Variants in NTRK3 observed in about 807,000 individuals in gnomAD.
The protein encoded by NTRK3 is NT-3 growth factor receptor.
A neutral mutation model predicts 91.7 loss-of-function variants in NTRK3; 24 were observed. The ratio of observed to expected loss-of-function variants is 0.26; its 90% CI spans 0.19 to 0.37. The LOEUF is 0.37. NTRK3 is among the 10% of genes least tolerant of loss of function. NTRK3 has a pLI of 1.00. For missense variants in NTRK3, 880 were observed against 1,068.9 expected, an observed-to-expected ratio of 0.82 and a Z score of 2.46; for synonymous variants, 483 against 404.0, an observed-to-expected ratio of 1.20 and a Z score of -2.34.
chr15:87,974,628 CA>C (rs1044294656), intron 14 of NTRK3, among the ~76,000 whole-genome samples: 31 of 152,206 alleles, frequency 2.0e-4, no homozygotes, highest in African/African-American at 7.2e-4. Flanking sequence ...GAGTCCTCCC[CA>C]ATATCAAAAA....
At chr15:87,968,309 C>G (rs1033453724) in intron 14 of NTRK3, among the ~76,000 whole-genome samples, 13 of 151,976 alleles carry the variant, frequency 8.6e-5, no homozygotes, top group African/African-American at 2.4e-4. Context: ...AAAAGAAGTC[C>G]CAAGACCAAA....
intron 5 of NTRK3, among the ~76,000 whole-genome samples, chr15:88,176,911 G>T (rs186179541): frequency 6.6e-6 from 1 of 152,218 alleles, no homozygotes; most frequent in African/African-American, 2.4e-5. Context: ...TGATCTATTT[G>T]TAAGGAGAAG....
At chr15:88,207,854 G>GC (rs1452243179) in intron 3 of NTRK3, among the ~76,000 whole-genome samples, 1 of 152,178 alleles carries the variant, frequency 6.6e-6, no homozygotes, top group Non-Finnish European at 1.5e-5. Flanking sequence ...AAGATTCTCA[G>GC]CCCCTTCCTG....
chr15:87,898,554 C>T (rs1176972401), intron 17 of NTRK3, among the ~76,000 whole-genome samples: 1 of 152,104 alleles, frequency 6.6e-6, no homozygotes, highest in African/African-American at 2.4e-5. Flanking sequence ...GTGTGTGAAG[C>T]TTCTTTTTAC....
chr15:87,892,875 G>A (rs1477519415), intron 17 of NTRK3, among the ~76,000 whole-genome samples: 1 of 152,140 alleles, frequency 6.6e-6, no homozygotes, highest in Non-Finnish European at 1.5e-5. Flanking sequence ...ATGTAAAACT[G>A]ACTGTTTAAG....
intron 14 of NTRK3, among the ~76,000 whole-genome samples, chr15:88,030,445 C>T (rs2078422929): frequency 6.6e-6 from 1 of 152,154 alleles, no homozygotes; most frequent in Non-Finnish European, 1.5e-5. Flanking sequence ...GGAAACTTGC[C>T]TCCAACACAC....
At chr15:88,039,164 C>CAT (rs2079364092) in intron 13 of NTRK3, among the ~76,000 whole-genome samples, 1 of 145,514 alleles carries the variant, frequency 6.9e-6, no homozygotes, top group East Asian at 2.0e-4. Context: ...CACACACACA[C>CAT]GCACAGAAAC....
intron 13 of NTRK3, among the ~76,000 whole-genome samples, chr15:88,120,261 G>T (rs1386862928): frequency 4.6e-5 from 7 of 152,216 alleles, no homozygotes; most frequent in African/African-American, 1.7e-4. Flanking sequence ...ACTCTGGCAG[G>T]ATTCTACAAT....
At chr15:88,008,490 C>T (rs1037086570) in intron 14 of NTRK3, among the ~76,000 whole-genome samples, 1 of 151,984 alleles carries the variant, frequency 6.6e-6, no homozygotes, top group African/African-American at 2.4e-5. Flanking sequence ...CACAGTGGTC[C>T]AAGAACCCTA....
chr15:88,132,418 G>C (rs191890782), intron 10 of NTRK3, among the ~76,000 whole-genome samples: 2 of 152,314 alleles, frequency 1.3e-5, no homozygotes, highest in East Asian at 3.9e-4. Context: ...GCACAGAGAA[G>C]TGATTGTCCT....
chr15:88,170,304 T>C (rs1409534725), intron 5 of NTRK3, among the ~76,000 whole-genome samples: 2 of 152,214 alleles, frequency 1.3e-5, no homozygotes, highest in Non-Finnish European at 2.9e-5. Flanking sequence ...TTTCACAAGA[T>C]CTTCATAACT....
At chr15:88,027,034 A>G (rs2078097591) in intron 14 of NTRK3, among the ~76,000 whole-genome samples, 1 of 152,164 alleles carries the variant, frequency 6.6e-6, no homozygotes, top group Admixed American at 6.5e-5. Context: ...ATGAGCCTCT[A>G]CAAAACAAAA....
intron 3 of NTRK3, among the ~76,000 whole-genome samples, chr15:88,250,735 TCCCAA>T (rs2053263465): frequency 6.6e-6 from 1 of 152,192 alleles, no homozygotes; most frequent in Non-Finnish European, 1.5e-5. Flanking sequence ...GTGCCAACCC[TCCCAA>T]TCACAAGAGC....
intron 13 of NTRK3, among the ~76,000 whole-genome samples, chr15:88,052,703 G>A (rs2142315840): frequency 6.6e-6 from 1 of 152,270 alleles, no homozygotes; most frequent in African/African-American, 2.4e-5. Flanking sequence ...AAATGAGATG[G>A]AAAGTGAAAA....
chr15:87,985,309 T>A (rs919921760), intron 14 of NTRK3, among the ~76,000 whole-genome samples: 1 of 152,176 alleles, frequency 6.6e-6, no homozygotes, highest in Non-Finnish European at 1.5e-5. Flanking sequence ...TTGCCTGACA[T>A]GTATAAGGCA....
At chr15:88,232,104 G>A (rs1178133330) in intron 3 of NTRK3, among the ~76,000 whole-genome samples, 1 of 152,054 alleles carries the variant, frequency 6.6e-6, no homozygotes, top group African/African-American at 2.4e-5. Context: ...CCAGGTGATG[G>A]GGGATCTTGC....
chr15:87,995,620 CAA>C (rs1163835240), intron 14 of NTRK3, among the ~76,000 whole-genome samples: 1 of 152,026 alleles, frequency 6.6e-6, no homozygotes, highest in African/African-American at 2.4e-5. Flanking sequence ...TGAAGGATTT[CAA>C]AGAGGGGATG....
exon 19 of NTRK3, chr15:87,872,977 T>C (rs1031510139): frequency 8.6e-6 from 2 of 233,018 alleles, no homozygotes; most frequent in Non-Finnish European, 1.7e-5. Context: ...TGCTGGTCTT[T>C]TCACCCTGCC....
chr15:88,084,034 T>C (rs2048287662), intron 13 of NTRK3, among the ~76,000 whole-genome samples: 1 of 151,938 alleles, frequency 6.6e-6, no homozygotes, highest in Non-Finnish European at 1.5e-5. Flanking sequence ...GATTCATTTA[T>C]ACTTAACTCA....
Sources: allele counts gnomAD v4.1 joint callset (sites outside exome capture counted in the v4.1 genomes callset), GRCh38; gene constraint gnomAD v4.1.1; transcripts MANE v1.5; gene names NCBI Gene and HGNC (gene_info 2026-07-23, HGNC 2026-07-21).